Variants in JAK1 observed in about 807,000 individuals in gnomAD.
The protein encoded by JAK1 is Janus kinase 1, also known as tyrosine-protein kinase JAK1.
Under a neutral mutation model 136.6 loss-of-function variants are expected in JAK1, and 16 were observed. That is an observed-to-expected ratio of 0.12 (90% CI 0.08 to 0.18). JAK1 has a LOEUF of 0.18. Ranked by LOEUF, JAK1 falls within the 10% of genes least tolerant of loss-of-function variation. The probability of loss-of-function intolerance (pLI) is 1.00; values close to 1 mark genes in which losing one functional copy is unlikely to be tolerated. For synonymous variants in JAK1, 492 were observed against 519.5 expected, an observed-to-expected ratio of 0.95 and a Z score of 0.72; for missense variants, 859 against 1,450.1, an observed-to-expected ratio of 0.59 and a Z score of 6.62.
chr1:65,067,503 G>T (rs1450867798), intron 1 of JAK1: 7 of 145,724 alleles, frequency 4.8e-5, no homozygotes, highest in African/African-American at 1.5e-4. Context: ...TCTGCGCCCC[G>T]AGCCTCGCGC....
chr1:65,014,754 G>A (rs1001520201), intron 2 of JAK1, among the ~76,000 whole-genome samples: 20 of 150,832 alleles, frequency 1.3e-4, no homozygotes, highest in Non-Finnish European at 2.2e-4. Flanking sequence ...GCGCGACCTC[G>A]GCTCACTGCA....
intron 1 of JAK1, among the ~76,000 whole-genome samples, chr1:64,912,751 A>C (rs1645306081): frequency 6.6e-6 from 1 of 152,164 alleles, no homozygotes; most frequent in South Asian, 2.1e-4. Context: ...AAGGTAAACC[A>C]CTTCTTGTAA....
chr1:64,914,558 A>T (rs76424099), intron 1 of JAK1, among the ~76,000 whole-genome samples: 4 of 152,228 alleles, frequency 2.6e-5, no homozygotes, highest in African/African-American at 9.6e-5. Context: ...ATCTGGGCAA[A>T]TACATGGTTT....
At chr1:65,048,054 A>G (rs530053701) in intron 1 of JAK1, among the ~76,000 whole-genome samples, 8 of 152,370 alleles carry the variant, frequency 5.3e-5, no homozygotes, top group African/African-American at 1.9e-4. Context: ...TAGGTGACGT[A>G]TATTCAAAGA....
chr1:64,845,770 A>G (rs753012007), intron 14 of JAK1, 130 bp from the exon 15 acceptor site: 42 of 1,114,234 alleles, frequency 3.8e-5, no homozygotes, highest in Non-Finnish European at 5.4e-5. Context: ...TGGGGGGTGC[A>G]ATGGTGCAGG....
intron 2 of JAK1, among the ~76,000 whole-genome samples, chr1:65,039,371 C>T (rs983586232): frequency 1.3e-5 from 2 of 152,072 alleles, no homozygotes; most frequent in Non-Finnish European, 2.9e-5. Context: ...ATAGATAATG[C>T]TTATCCAATG....
chr1:65,007,745 GT>G (rs371536456), intron 2 of JAK1, among the ~76,000 whole-genome samples: 10,392 of 141,864 alleles, frequency 0.073, 457 homozygotes, highest in South Asian at 0.11. Flanking sequence ...TTATAGGTAT[GT>G]TTTTTTTTTT....
chr1:65,043,930 C>T (rs762827702), intron 2 of JAK1, among the ~76,000 whole-genome samples: 6 of 152,066 alleles, frequency 3.9e-5, no homozygotes, highest in Non-Finnish European at 8.8e-5. Flanking sequence ...CCATGTTGGC[C>T]AGGCTGGTCT....
rs942084519 is a variant in JAK1 at position 64,988,865 on chromosome 1, G to C, written c.-78+55615C>G. ...GATCTTGACACTGCACTGAAGCCTG[G>C]GTGAAAGAGTGAGCCCCTAACTAAA... On this transcript the variant is annotated intron_variant, in intron 2 of 25. Transcript: ENST00000671954. 1.8e-4 allele frequency among the ~76,000 whole-genome samples: 27 copies of C among 151,118 alleles called. No individual in the cohort carries two copies. The East Asian group carries it at 5.1e-3, about 28-fold the overall frequency.
At chr1:64,873,645 A>C (rs1570681683) in intron 4 of JAK1, 122 bp from the exon 5 acceptor site, 1 of 1,050,356 alleles carries the variant, frequency 9.5e-7, no homozygotes, top group Non-Finnish European at 1.4e-6. Flanking sequence ...CAGGCAGACA[A>C]CCCTGCCCCT....
In JAK1 at chr1:64,855,914, T is replaced by C. The variant is rs1022294506; in HGVS notation, c.1459-216A>G. ...TAAAACAAGGTCCAGGAGAAGGCAT[T>C]GATAAAAGGGAGTTAATACTACAGC... On this transcript the variant is annotated intron_variant, in intron 10 of 24. Transcript: ENST00000342505. Among the ~76,000 whole-genome samples the C allele has an allele frequency of 3.3e-5, 5 of 152,100 alleles. No homozygotes were observed. In the South Asian group the frequency reaches 1.0e-3, roughly 31 times the overall value.
rs533016185 is a variant in JAK1, at chr1:64,833,567, C to T, written c.*995G>A. On this transcript the variant is annotated 3_prime_UTR_variant, in exon 25 of 25. Coordinates refer to ENST00000342505, the MANE Select transcript of JAK1 (RefSeq NM_002227.4). ...TCCTGAAGTCCATAGTGCCTCTAGCCGGGTCTTTCAAGTGTTGCACCACAG... is the reference window on the plus strand; with the variant it reads ...TCCTGAAGTCCATAGTGCCTCTAGCTGGGTCTTTCAAGTGTTGCACCACAG... 3 of 232,812 alleles carry T rather than the reference C, an allele frequency of 1.3e-5. No homozygotes were observed. Among genetic ancestry groups the T allele is most frequent in the South Asian group, 1.8e-4 (1 of 5,524 alleles). The allele number at this position is 232,812 out of a possible 1,614,324, so 14.4% of individuals were successfully genotyped here.
At chr1:64,979,353 C>T (rs538106517) in intron 2 of JAK1, among the ~76,000 whole-genome samples, 2 of 152,282 alleles carry the variant, frequency 1.3e-5, no homozygotes, top group South Asian at 4.2e-4. Context: ...GAGCTATGCT[C>T]ATGCCATTGC....
rs547501051 is a variant in JAK1 at position 64,833,610 on chromosome 1, A to AAAAC, written c.*948_*951dup. On this transcript the variant is annotated 3_prime_UTR_variant, in exon 25 of 25. Coordinates refer to ENST00000342505, the MANE Select transcript of JAK1 (RefSeq NM_002227.4). The stretch of plus-strand genomic sequence containing the variant: ...CACCACAGGGTGATGATTGATGGTA[A>AAAAC]AAACAGGGATCAACCCTTGTAGATC... 1.8e-3 allele frequency: 428 copies of AAAAC among 233,086 alleles called. 1 individual carries two copies. The Middle Eastern group carries it at 0.024, about 13-fold the overall frequency. The allele number at this position is 233,086 out of a possible 1,614,324, so 14.4% of individuals were successfully genotyped here. A position where few individuals can be genotyped will look rare whatever the true frequency, so the allele number is the denominator to read the frequency against.
chr1:64,894,381 C>T (rs1644982508), intron 1 of JAK1, among the ~76,000 whole-genome samples: 1 of 152,184 alleles, frequency 6.6e-6, no homozygotes, highest in African/African-American at 2.4e-5. Flanking sequence ...TGCTAGACAA[C>T]CCCCCAAATG....
At chr1:64,996,030 A>T (rs1365336758) in intron 2 of JAK1, among the ~76,000 whole-genome samples, 2 of 152,180 alleles carry the variant, frequency 1.3e-5, no homozygotes, top group Non-Finnish European at 2.9e-5. Context: ...GGCCTGAGCC[A>T]CTGCGCCTGG....
upstream of JAK1, among the ~76,000 whole-genome samples, chr1:64,968,009 G>A (rs1011817921): frequency 2.0e-5 from 3 of 152,176 alleles, no homozygotes; most frequent in Admixed American, 1.3e-4. Flanking sequence ...GGTGAACTAT[G>A]ATAATATAGC....
chr1:64,935,838 T>C (rs1645779667), intron 1 of JAK1, among the ~76,000 whole-genome samples: 1 of 152,150 alleles, frequency 6.6e-6, no homozygotes, highest in Non-Finnish European at 1.5e-5. Context: ...TACAATTTCA[T>C]CTAGTGGACT....
intron 2 of JAK1, among the ~76,000 whole-genome samples, chr1:65,027,471 T>C (rs1239197878): frequency 3.3e-5 from 5 of 152,244 alleles, no homozygotes; most frequent in Non-Finnish European, 7.4e-5. Flanking sequence ...CTTACATGTA[T>C]TTTTGTTCCG....
Sources: allele counts gnomAD v4.1 joint callset (sites outside exome capture counted in the v4.1 genomes callset), GRCh38; gene constraint gnomAD v4.1.1; transcripts MANE v1.5; gene names NCBI Gene and HGNC (gene_info 2026-07-23, HGNC 2026-07-21).